The following CTNNA3 variants were observed in gnomAD, a reference collection of about 807,000 sequenced individuals.
The protein encoded by CTNNA3 is catenin alpha 3.
A neutral mutation model predicts 95.7 loss-of-function variants in CTNNA3; 76 were observed. That is an observed-to-expected ratio of 0.79 (90% CI 0.66 to 0.96). CTNNA3 has a LOEUF of 0.96. CTNNA3 is among the 40% of genes least tolerant of loss of function. The pLI, the probability that CTNNA3 is intolerant of heterozygous loss-of-function variation, is 0.00. For synonymous variants in CTNNA3, 431 were observed against 374.4 expected (o/e 1.15, Z -1.74); for missense variants, 1,191 against 1,089.8 (o/e 1.09, Z -1.31).
At chr10:67,409,478 T>C (rs1845282392) in intron 5 of CTNNA3, among the ~76,000 whole-genome samples, 1 of 151,922 alleles carries the variant, frequency 6.6e-6, no homozygotes, top group Middle Eastern at 3.4e-3. Context: ...AGCAAACTAA[T>C]GCAGGAACAG....
intron 5 of CTNNA3, among the ~76,000 whole-genome samples, chr10:67,487,042 G>A (rs1245941569): frequency 1.3e-5 from 2 of 152,118 alleles, no homozygotes; most frequent in East Asian, 1.9e-4. Context: ...CAGCCATGAT[G>A]AGGCCCCATC....
intron 7 of CTNNA3, among the ~76,000 whole-genome samples, chr10:66,913,637 T>TAC (rs1846336103): frequency 6.6e-6 from 1 of 152,202 alleles, no homozygotes; most frequent in Admixed American, 6.5e-5. Flanking sequence ...TCAAGGCAGC[T>TAC]ACAGTCTAAG....
chr10:66,520,243 TTC>T (rs1265673336), intron 11 of CTNNA3, among the ~76,000 whole-genome samples: 6 of 126,660 alleles, frequency 4.7e-5, no homozygotes, highest in South Asian at 2.5e-4. Context: ...TTTAGTATTA[TTC>T]TTTTTTTTTT....
At chr10:66,171,689 C>T (rs899263680) in intron 13 of CTNNA3, among the ~76,000 whole-genome samples, 2 of 152,032 alleles carry the variant, frequency 1.3e-5, no homozygotes, top group African/African-American at 4.8e-5. Flanking sequence ...CAGGTTTGGA[C>T]TAGCCAAGTA....
intron 14 of CTNNA3, among the ~76,000 whole-genome samples, chr10:66,093,936 CAAATGTAGTGCT>C (rs1455523106): frequency 6.6e-6 from 1 of 152,064 alleles, no homozygotes; most frequent in East Asian, 1.9e-4. Context: ...CTACGTTCTG[CAAATGTAGTGCT>C]AAAAGAAGAC....
intron 7 of CTNNA3, among the ~76,000 whole-genome samples, chr10:67,172,820 C>T (rs1302457638): frequency 1.3e-5 from 2 of 151,956 alleles, no homozygotes; most frequent in African/African-American, 2.4e-5. Flanking sequence ...CTAAAAAATA[C>T]AAAAATTAGC....
intron 7 of CTNNA3, among the ~76,000 whole-genome samples, chr10:66,847,218 T>C (rs1334384773): frequency 6.6e-6 from 1 of 152,224 alleles, no homozygotes; most frequent in Non-Finnish European, 1.5e-5. Context: ...TCTTTTTATA[T>C]GACTCTATTT....
intron 7 of CTNNA3, among the ~76,000 whole-genome samples, chr10:66,924,434 C>T (rs1846952772): frequency 6.6e-6 from 1 of 152,122 alleles, no homozygotes; most frequent in Non-Finnish European, 1.5e-5. Context: ...AATGCCTCTA[C>T]ATGGCAGATG....
chr10:67,259,243 T>A (rs551478364), intron 5 of CTNNA3, among the ~76,000 whole-genome samples: 2 of 152,266 alleles, frequency 1.3e-5, no homozygotes, highest in South Asian at 4.1e-4. Context: ...TTCTGCGGAG[T>A]GAAACCCAAG....
intron 9 of CTNNA3, among the ~76,000 whole-genome samples, chr10:66,761,855 A>G (rs988115893): frequency 1.3e-5 from 2 of 152,200 alleles, no homozygotes; most frequent in Admixed American, 1.3e-4. Flanking sequence ...GGCATTTACT[A>G]AAATCACTGT....
intron 9 of CTNNA3, among the ~76,000 whole-genome samples, chr10:66,674,671 A>T (rs1251834322): frequency 6.6e-6 from 1 of 151,902 alleles, no homozygotes; most frequent in Non-Finnish European, 1.5e-5. Context: ...ATTTGTTCTA[A>T]TTCCCAGCTT....
intron 1 of CTNNA3, among the ~76,000 whole-genome samples, chr10:67,709,367 A>C (rs1428015135): frequency 6.6e-6 from 1 of 152,216 alleles, no homozygotes; most frequent in African/African-American, 2.4e-5. Context: ...TAAGCAGAAC[A>C]TACATGAATG....
At chr10:66,789,471 G>A (rs898772890) in intron 7 of CTNNA3, among the ~76,000 whole-genome samples, 6 of 152,002 alleles carry the variant, frequency 3.9e-5, no homozygotes, top group African/African-American at 7.2e-5. Context: ...CACTGTGCGC[G>A]GCCACCTTTG....
intron 15 of CTNNA3, among the ~76,000 whole-genome samples, chr10:66,016,288 C>T (rs760436920): frequency 2.6e-5 from 4 of 152,176 alleles, no homozygotes; most frequent in Non-Finnish European, 5.9e-5. Context: ...GCCTTAAGAG[C>T]CCAGGCTGCA....
chr10:67,424,618 T>C (rs1377924593), intron 5 of CTNNA3, among the ~76,000 whole-genome samples: 2 of 152,146 alleles, frequency 1.3e-5, no homozygotes, highest in Admixed American at 1.3e-4. Flanking sequence ...TTCTTTTTTA[T>C]ATTTTGAGGC....
intron 5 of CTNNA3, among the ~76,000 whole-genome samples, chr10:67,385,804 A>G (rs1271401657): frequency 2.0e-5 from 3 of 150,962 alleles, no homozygotes; most frequent in Non-Finnish European, 4.4e-5. Context: ...GTGGTCCCAC[A>G]GTGCCTGGTG....
intron 11 of CTNNA3, among the ~76,000 whole-genome samples, chr10:66,475,021 T>C (rs1440385983): frequency 6.6e-6 from 1 of 152,058 alleles, no homozygotes; most frequent in African/African-American, 2.4e-5. Context: ...GTAGGTTGTC[T>C]CCTTATTCTC....
intron 5 of CTNNA3, 40 bp downstream of exon 5, chr10:67,521,802 A>G: frequency 1.3e-6 from 2 of 1,598,366 alleles, no homozygotes; most frequent in Admixed American, 1.8e-5. Flanking sequence ...GGAAGCCTAA[A>G]GTGTTCATCT....
At chr10:67,554,703 T>C (rs1020910351) in intron 3 of CTNNA3, among the ~76,000 whole-genome samples, 1 of 152,208 alleles carries the variant, frequency 6.6e-6, no homozygotes, top group Non-Finnish European at 1.5e-5. Flanking sequence ...ATTCTATACG[T>C]TGCCTGTTCA....
Sources: gnomAD v4.1 joint callset for allele counts (sites outside exome capture counted in the v4.1 genomes callset) on GRCh38, gnomAD v4.1.1 for gene constraint, MANE v1.5 for transcripts, NCBI Gene and HGNC (gene_info 2026-07-23, HGNC 2026-07-21) for gene names.